Variants in PLEKHG1 observed in about 807,000 individuals in gnomAD.
PLEKHG1 encodes the protein pleckstrin homology domain-containing family G member 1.
In PLEKHG1, 44 loss-of-function variants were observed where a neutral mutation model predicts 100.8. That is an observed-to-expected ratio of 0.44 (90% CI 0.34 to 0.56). The LOEUF (loss-of-function observed/expected upper bound fraction) is 0.56. Ranked by LOEUF, PLEKHG1 falls within the 20% of genes least tolerant of loss-of-function variation. The pLI, the probability that PLEKHG1 is intolerant of heterozygous loss-of-function variation, is 0.01. For missense variants in PLEKHG1, 1,545 were observed against 1,720.9 expected (o/e 0.90, Z 1.81); for synonymous variants, 640 against 662.5 (o/e 0.97, Z 0.52).
At chr6:150,645,148 T>C (rs567064991) in intron 2 of PLEKHG1, among the ~76,000 whole-genome samples, 78 of 152,286 alleles carry the variant, frequency 5.1e-4, no homozygotes, top group African/African-American at 1.9e-3. Context: ...GACCAAAAAA[T>C]AGTAATCTTG....
Position 150,831,933 on chromosome 6 carries a change from C to T in PLEKHG1, c.2822C>T (p.Pro941Leu), listed in dbSNP as rs747426017. 4 of 1,613,738 alleles carry T rather than the reference C, an allele frequency of 2.5e-6. No homozygotes were observed. The highest frequency in any genetic ancestry group is 3.4e-6 in the Non-Finnish European group (4 of 1,179,790). The stretch of plus-strand genomic sequence containing the variant: ...CGGCTTTCTCTGGCTAGTGAAATGC[C>T]CCTCATGGACAATCCCTACGACCTG... Residue 941 changes from proline (P) to leucine (L), a missense_variant, in exon 15 of 16, where the codon CCC (proline) becomes CTC (leucine). Physicochemically the swap from Pro to Leu is moderately conservative, Grantham distance 98. Transcript: ENST00000358517. The surrounding 1 kb of genome is among the most constrained non-coding windows in gnomAD (Gnocchi z 4.1).
chr6:150,667,549 A>G (rs963722688), intron 3 of PLEKHG1, among the ~76,000 whole-genome samples: 1 of 152,206 alleles, frequency 6.6e-6, no homozygotes, highest in Non-Finnish European at 1.5e-5. Context: ...GAATCCAAGG[A>G]CAGCCTCCTG....
intron 1 of PLEKHG1, among the ~76,000 whole-genome samples, chr6:150,726,181 A>T (rs72570332): frequency 0.086 from 13,040 of 152,244 alleles, 639 homozygotes; most frequent in Admixed American, 0.14. Flanking sequence ...GAGTAAGTCC[A>T]AAAAATCTGC....
At chr6:150,662,306 C>T (rs1012497313) in intron 3 of PLEKHG1, 1 of 152,202 alleles carries the variant, frequency 6.6e-6, no homozygotes, top group Non-Finnish European at 1.5e-5. Flanking sequence ...CATTTTTAAG[C>T]AGGGCTAGGA....
chr6:150,706,762 A>AAAAG (rs1781024470), intron 3 of PLEKHG1, among the ~76,000 whole-genome samples: 1 of 152,042 alleles, frequency 6.6e-6, no homozygotes, highest in African/African-American at 2.4e-5. Context: ...GGAGGTTTTC[A>AAAAG]AAAGAACTGA....
intron 13 of PLEKHG1, among the ~76,000 whole-genome samples, chr6:150,821,996 C>G (rs143243506): frequency 6.6e-6 from 1 of 150,624 alleles, no homozygotes; most frequent in Non-Finnish European, 1.5e-5. Flanking sequence ...CATGTGCCAC[C>G]GCGCCTGGCT....
intron 3 of PLEKHG1, among the ~76,000 whole-genome samples, chr6:150,686,114 G>A (rs577825524): frequency 6.6e-6 from 1 of 152,342 alleles, no homozygotes; most frequent in East Asian, 1.9e-4. Context: ...GGGGGCACAC[G>A]GGAGCAGTGT....
At chr6:150,712,353 A>G (rs906367745) in intron 3 of PLEKHG1, among the ~76,000 whole-genome samples, 1 of 152,152 alleles carries the variant, frequency 6.6e-6, no homozygotes, top group African/African-American at 2.4e-5. Flanking sequence ...CAAGACTGGG[A>G]AAGATTGGGC....
At chr6:150,802,807 C>T (rs201303167) in intron 6 of PLEKHG1, among the ~76,000 whole-genome samples, 12 of 151,976 alleles carry the variant, frequency 7.9e-5, no homozygotes, top group East Asian at 7.8e-4. Context: ...ACTACAGGCG[C>T]GCACCACCAT....
At chr6:150,741,501 C>T (rs1008564417) in intron 2 of PLEKHG1, among the ~76,000 whole-genome samples, 1 of 152,160 alleles carries the variant, frequency 6.6e-6, no homozygotes, top group South Asian at 2.1e-4. Flanking sequence ...CTCAATAATA[C>T]AAAAACACTA....
intron 5 of PLEKHG1, among the ~76,000 whole-genome samples, chr6:150,799,434 G>C (rs1260700205): frequency 6.6e-6 from 1 of 152,204 alleles, no homozygotes; most frequent in Non-Finnish European, 1.5e-5. Context: ...TCCCCAGGGA[G>C]GGACGCAAAC....
chr6:150,784,119 G>T (rs1785474115), intron 3 of PLEKHG1, among the ~76,000 whole-genome samples: 1 of 152,154 alleles, frequency 6.6e-6, no homozygotes, highest in Non-Finnish European at 1.5e-5. Context: ...TCCTGAAGGG[G>T]TCTTGTCTCA....
At chr6:150,779,889 G>A (rs1482563967) in intron 3 of PLEKHG1, among the ~76,000 whole-genome samples, 2 of 149,700 alleles carry the variant, frequency 1.3e-5, no homozygotes, top group Non-Finnish European at 3.0e-5. Context: ...CTTGAACCCA[G>A]AAGGTGGAGG....
At chr6:150,750,118 G>A (rs552960272) in intron 2 of PLEKHG1, among the ~76,000 whole-genome samples, 45 of 151,846 alleles carry the variant, frequency 3.0e-4, no homozygotes, top group Admixed American at 8.5e-4. Flanking sequence ...TACTTCAAAA[G>A]GAGGAATAAA....
intron 1 of PLEKHG1, among the ~76,000 whole-genome samples, chr6:150,730,718 C>T (rs1354092891): frequency 2.0e-5 from 3 of 152,058 alleles, no homozygotes; most frequent in East Asian, 3.9e-4. Flanking sequence ...GCCTGGCCAA[C>T]GTGGTGAAAC....
intron 1 of PLEKHG1, among the ~76,000 whole-genome samples, chr6:150,628,942 G>T (rs1339105669): frequency 9.9e-5 from 15 of 152,208 alleles, no homozygotes; most frequent in African/African-American, 2.7e-4. Flanking sequence ...AAGTGAGTGT[G>T]TGCATATGTG....
chr6:150,729,141 C>G (rs7747567), intron 1 of PLEKHG1, among the ~76,000 whole-genome samples: 26,207 of 152,124 alleles, frequency 0.17, 3,392 homozygotes, highest in African/African-American at 0.36. Context: ...ACCCAGGCTG[C>G]AGTGCAGTGG....
At chr6:150,818,980 C>T (rs113435937) in intron 11 of PLEKHG1, among the ~76,000 whole-genome samples, 8 of 152,318 alleles carry the variant, frequency 5.3e-5, no homozygotes, top group African/African-American at 1.9e-4. Context: ...GAAACAGGTG[C>T]ATTCCCACCA....
At chr6:150,821,074 T>C (rs1167312610) in intron 12 of PLEKHG1, 121 bp from the exon 14 acceptor site, 3 of 735,210 alleles carry the variant, frequency 4.1e-6, no homozygotes. Flanking sequence ...TTTGTTAAAT[T>C]TGATACAAAA....
Sources: gnomAD v4.1 joint callset for allele counts (sites outside exome capture counted in the v4.1 genomes callset) on GRCh38, gnomAD v4.1.1 for gene constraint, Gnocchi (gnomAD v3.1) non-coding constraint, MANE v1.5 for transcripts, NCBI Gene and HGNC (gene_info 2026-07-23, HGNC 2026-07-21) for gene names.